The following CCDC18 variants were observed in gnomAD, a reference collection of about 807,000 sequenced individuals.
CCDC18 encodes coiled-coil domain-containing protein 18.
In CCDC18, 157 loss-of-function variants were observed where a neutral mutation model predicts 196.0. The ratio of observed to expected loss-of-function variants is 0.80; its 90% confidence interval spans 0.70 to 0.91. CCDC18 has a LOEUF of 0.91. Ranked by LOEUF, CCDC18 falls within the 40% of genes least tolerant of loss-of-function variation. The pLI is 0.00. For missense variants in CCDC18, 1,465 were observed against 1,611.6 expected (o/e 0.91, Z 1.56); for synonymous variants, 482 against 529.2 (o/e 0.91, Z 1.22).
chr1:93,217,638 C>T (rs532313808), intron 13 of CCDC18, 100 bp from the exon 14 acceptor site: 33 of 941,636 alleles, frequency 3.5e-5, no homozygotes, highest in Non-Finnish European at 4.9e-5. Context: ...GGGGTCTTGC[C>T]GTGTTTCCCA....
intron 6 of CCDC18, among the ~76,000 whole-genome samples, chr1:93,196,650 C>CA (rs1382091762): frequency 6.6e-6 from 1 of 152,094 alleles, no homozygotes; most frequent in Admixed American, 6.5e-5. Flanking sequence ...TGTTAAGTAA[C>CA]AAAAAATTAA....
Position 93,207,176 on chromosome 1 carries a change from C to A in CCDC18, c.987C>A (p.Val329=). Residue 329 remains valine, a synonymous_variant, in exon 9 of 29, where the codon GTC becomes GTA. Transcript: ENST00000690025. ...TCATGGCAGTGAAAAATTCAGAAGT[C>A]ATGGCACAACTAACTGAATCTAGAC... is the stretch of plus-strand genomic sequence containing the variant. ...LRIMAVKNSE[V]MAQLTESRQS... The A allele has an allele frequency of 1.9e-6, 3 of 1,606,676 alleles. No individual in the cohort carries two copies. The South Asian group carries it at 3.3e-5, about 18-fold the overall frequency.
chr1:93,207,029 A>T (rs191289457), intron 8 of CCDC18, 78 bp from the exon 9 acceptor site: 104 of 831,606 alleles, frequency 1.3e-4, no homozygotes, highest in Middle Eastern at 7.7e-4. Context: ...AAAAAATTTT[A>T]AAAGTGAGAT....
At chr1:93,202,124 C>T in intron 7 of CCDC18, 136 bp downstream of exon 7, 1 of 542,394 alleles carries the variant, frequency 1.8e-6, no homozygotes, top group Non-Finnish European at 3.2e-6. Context: ...TTTAAATAAA[C>T]AATTTGTAAA....
chr1:93,216,771 A>G lies in CCDC18; in HGVS notation c.1830+25A>G, dbSNP rs1328028828. On this transcript the variant is annotated intron_variant, in intron 13 of 28. Coordinates refer to ENST00000690025, the MANE Select transcript of CCDC18 (RefSeq NM_001378204.1). ...GGTAAAACTTATCTTTGTTCCTACA[A>G]ATTTACTGTGATTTTTAGGCACTTA... The G allele has an allele frequency of 3.2e-6, 4 of 1,244,774 alleles. No homozygotes were observed. The African/African-American group carries it at 6.1e-5, about 19-fold the overall frequency. The allele number at this position is 1,244,774 out of a possible 1,614,324, so 77.1% of individuals were successfully genotyped here. A position where few individuals can be genotyped will look rare whatever the true frequency, so the allele number is the denominator to read the frequency against.
chr1:93,277,882 G>A (rs1665710540), intron 28 of CCDC18, among the ~76,000 whole-genome samples: 1 of 151,914 alleles, frequency 6.6e-6, no homozygotes, highest in Non-Finnish European at 1.5e-5. Context: ...ATGCCAAAAT[G>A]TTATATTTAT....
At chr1:93,246,730 T>A in intron 22 of CCDC18, 108 bp from the exon 23 acceptor site, 1 of 602,238 alleles carries the variant, frequency 1.7e-6, no homozygotes, top group South Asian at 2.1e-5. Flanking sequence ...GCTATACTAA[T>A]GAGTTTATAC....
At chr1:93,251,910 A>T (rs1449710354) in intron 23 of CCDC18, among the ~76,000 whole-genome samples, 1 of 152,136 alleles carries the variant, frequency 6.6e-6, no homozygotes, top group Non-Finnish European at 1.5e-5. Context: ...AATAATTCAA[A>T]GATTTGCTCT....
chr1:93,268,418 A>G (rs565728753), intron 27 of CCDC18, among the ~76,000 whole-genome samples: 5 of 152,268 alleles, frequency 3.3e-5, no homozygotes, highest in Admixed American at 2.0e-4. Flanking sequence ...GGCAACAAAA[A>G]CCAAAATAGA....
intron 21 of CCDC18, among the ~76,000 whole-genome samples, chr1:93,240,728 T>C (rs930355376): frequency 2.6e-5 from 4 of 152,178 alleles, no homozygotes; most frequent in African/African-American, 9.6e-5. Context: ...TATTGACCTT[T>C]TCCTGTAACT....
intron 28 of CCDC18, among the ~76,000 whole-genome samples, chr1:93,272,181 G>C (rs1328898215): frequency 4.6e-5 from 7 of 152,118 alleles, no homozygotes; most frequent in African/African-American, 1.7e-4. Flanking sequence ...TATTTTTGCT[G>C]GCTTAAGTAT....
chr1:93,212,081 C>T lies in CCDC18; in HGVS notation c.1335-20C>T. On this transcript the variant is annotated intron_variant, in intron 10 of 28. Coordinates refer to ENST00000690025, the MANE Select transcript of CCDC18 (RefSeq NM_001378204.1). ...ATAGAATCTTTCTAATAATTTTTCCCTTCTTTTCTTTTGTGCCAGAATTAA... is the reference window on the plus strand; with the variant it reads ...ATAGAATCTTTCTAATAATTTTTCCTTTCTTTTCTTTTGTGCCAGAATTAA... 3 of 1,579,518 alleles carry T rather than the reference C, an allele frequency of 1.9e-6. No homozygotes were observed. The highest frequency in any genetic ancestry group is 2.8e-5 in the African/African-American group (2 of 72,678).
At chr1:93,234,526 A>G (rs927670769) in intron 18 of CCDC18, among the ~76,000 whole-genome samples, 2 of 152,134 alleles carry the variant, frequency 1.3e-5, no homozygotes, top group African/African-American at 4.8e-5. Context: ...TGTTCTCATT[A>G]GCTTCACTGA....
intron 9 of CCDC18, among the ~76,000 whole-genome samples, chr1:93,208,574 C>T (rs535698756): frequency 2.3e-3 from 354 of 152,202 alleles, no homozygotes; most frequent in Non-Finnish European, 4.2e-3. Context: ...GGATTACAGG[C>T]GTGAGCCACC....
At chr1:93,272,907 G>A (rs999783792) in intron 28 of CCDC18, among the ~76,000 whole-genome samples, 1 of 152,040 alleles carries the variant, frequency 6.6e-6, no homozygotes, top group African/African-American at 2.4e-5. Context: ...CCTTAAGGTA[G>A]GCTTAAGAAA....
chr1:93,219,968 C>T (rs559086791), intron 14 of CCDC18, among the ~76,000 whole-genome samples: 1 of 152,032 alleles, frequency 6.6e-6, no homozygotes, highest in East Asian at 1.9e-4. Context: ...TCTTCAGAGT[C>T]AAAGGAGAGA....
intron 17 of CCDC18, among the ~76,000 whole-genome samples, chr1:93,228,781 A>G (rs1213954205): frequency 6.6e-6 from 1 of 152,016 alleles, no homozygotes; most frequent in Non-Finnish European, 1.5e-5. Flanking sequence ...TAATAAATAG[A>G]CTTGGCAGAG....
At chr1:93,217,317 T>C (rs1656666183) in intron 13 of CCDC18, among the ~76,000 whole-genome samples, 1 of 152,248 alleles carries the variant, frequency 6.6e-6, no homozygotes, top group African/African-American at 2.4e-5. Context: ...GTTTAAATCT[T>C]CTCGTCTTGA....
intron 17 of CCDC18, among the ~76,000 whole-genome samples, chr1:93,228,023 T>C (rs966648154): frequency 2.0e-5 from 3 of 149,778 alleles, no homozygotes; most frequent in Non-Finnish European, 4.4e-5. Context: ...AAGATCGATT[T>C]GACTATATCA....
Sources: allele counts gnomAD v4.1 joint callset (sites outside exome capture counted in the v4.1 genomes callset), GRCh38; gene constraint gnomAD v4.1.1; transcripts MANE v1.5; gene names NCBI Gene and HGNC (gene_info 2026-07-23, HGNC 2026-07-21).